SLIT3: variants seen among roughly 807,000 people sequenced by gnomAD.
The protein encoded by SLIT3 is slit guidance ligand 3, also known as slit homolog 3 protein.
SLIT3 carries 68 observed loss-of-function variants against 184.0 expected under a neutral mutation model. The observed-to-expected ratio is 0.37, with a 90% CI of 0.30 to 0.45. The LOEUF (loss-of-function observed/expected upper bound fraction) is 0.45, where lower values mean the gene tolerates loss of function less well. Ranked by LOEUF, SLIT3 falls within the 20% of genes least tolerant of loss-of-function variation. SLIT3 has a pLI of 1.00. For synonymous variants in SLIT3, 831 were observed against 828.6 expected, an observed-to-expected ratio of 1.00 and a Z score of -0.05; for missense variants, 1,707 against 2,026.0, an observed-to-expected ratio of 0.84 and a Z score of 3.02.
At position 169,126,325 on chromosome 5, in the gene SLIT3, A is replaced by G. The variant is rs73802487; in HGVS notation, c.413+67154T>C. ...GACAGAGAGAAGGAAAGCAGGAGAG[A>G]GAGAGGAAGAGGGAAAGGAGAAAGA... On this transcript the variant is annotated intron_variant, in intron 4 of 35. Coordinates refer to ENST00000519560, the MANE Select transcript of SLIT3 (RefSeq NM_003062.4). Among the ~76,000 whole-genome samples, 333 of 152,362 alleles carry G rather than the reference A, an allele frequency of 2.2e-3. 1 individual carries two copies. The highest frequency in any genetic ancestry group is 7.6e-3 in the African/African-American group (315 of 41,590).
intron 4 of SLIT3, among the ~76,000 whole-genome samples, chr5:169,046,961 G>A (rs758322019): frequency 6.6e-6 from 1 of 152,054 alleles, no homozygotes; most frequent in Non-Finnish European, 1.5e-5. Context: ...TTGCTACAGG[G>A]TGTCTACTCT....
chr5:168,989,870 C>T (rs1162434094), intron 4 of SLIT3, among the ~76,000 whole-genome samples: 1 of 152,272 alleles, frequency 6.6e-6, no homozygotes, highest in East Asian at 1.9e-4. Context: ...AGTGAAGGGG[C>T]CAGGTTGAAT....
chr5:169,126,684 A>C (rs536800270), intron 4 of SLIT3, among the ~76,000 whole-genome samples: 1 of 152,210 alleles, frequency 6.6e-6, no homozygotes, highest in Non-Finnish European at 1.5e-5. Flanking sequence ...CCAGGGTGCA[A>C]GGGGCAATGC....
At chr5:168,675,690 G>A (rs1053798274) in intron 32 of SLIT3, among the ~76,000 whole-genome samples, 2 of 152,064 alleles carry the variant, frequency 1.3e-5, no homozygotes, top group Admixed American at 6.5e-5. Context: ...AACATAGCAC[G>A]ACCCCTATTT....
In SLIT3 at chr5:168,710,910, G is replaced by A. The variant is rs777025296; in HGVS notation, c.2704C>T (p.Arg902Cys). 6 of 1,548,184 alleles carry A rather than the reference G, an allele frequency of 3.9e-6. No homozygotes were observed. The highest frequency in any genetic ancestry group is 1.2e-5 in the South Asian group (1 of 83,046). ...CGTCACCTACCTTTGCACTGGAAGC[G>A]GTGGGTTGGGGTGGTGAGCAGGAGC... ...DRLLLTTPTH[R>C]FQCKGPVDIN... Residue 902 changes from arginine to cysteine, a missense_variant, in exon 25 of 36, where the codon CGC becomes TGC. Arg to Cys is a radical substitution (Grantham distance 180). Around this residue, in one of 3 missense-constraint regions of SLIT3, gnomAD observed 1,307 missense variants for 1,511.6 expected, o/e 0.86. Transcript: ENST00000519560.
intron 3 of SLIT3, among the ~76,000 whole-genome samples, chr5:169,235,092 T>C (rs971451985): frequency 6.6e-6 from 1 of 152,222 alleles, no homozygotes; most frequent in Admixed American, 6.5e-5. Flanking sequence ...TCTTGAATAG[T>C]AATTATCAGT....
At chr5:169,082,466 C>T (rs528056727) in intron 4 of SLIT3, among the ~76,000 whole-genome samples, 1 of 152,328 alleles carries the variant, frequency 6.6e-6, no homozygotes, top group Non-Finnish European at 1.5e-5. Flanking sequence ...AAGCCACCTC[C>T]ACCAACTAAA....
At chr5:168,968,286 G>T (rs1377903154) in intron 4 of SLIT3, among the ~76,000 whole-genome samples, 1 of 152,130 alleles carries the variant, frequency 6.6e-6, no homozygotes, top group East Asian at 1.9e-4. Context: ...AACACAACGT[G>T]TAAATCTTCT....
chr5:168,799,624 C>A (rs932099121), intron 9 of SLIT3, among the ~76,000 whole-genome samples: 1 of 152,132 alleles, frequency 6.6e-6, no homozygotes, highest in African/African-American at 2.4e-5. Flanking sequence ...GGCAGGGGCA[C>A]GGCCGGCACA....
chr5:168,745,916 C>T (rs754363925), intron 20 of SLIT3, among the ~76,000 whole-genome samples: 5 of 152,258 alleles, frequency 3.3e-5, no homozygotes, highest in African/African-American at 4.8e-5. Context: ...ACAAGACCCC[C>T]GACTAGGAAA....
chr5:169,268,694 C>A (rs550177079), intron 1 of SLIT3, among the ~76,000 whole-genome samples: 78 of 152,326 alleles, frequency 5.1e-4, no homozygotes, highest in African/African-American at 1.7e-3. Flanking sequence ...GCAAACCACC[C>A]TTATCTGCAA....
chr5:168,993,141 T>C (rs1039399851), intron 4 of SLIT3: 1 of 152,182 alleles, frequency 6.6e-6, no homozygotes, highest in African/African-American at 2.4e-5. Context: ...GTCTGACATT[T>C]AGAGGTGTGT....
chr5:168,913,233 C>T (rs1280253305), intron 4 of SLIT3, among the ~76,000 whole-genome samples: 1 of 150,156 alleles, frequency 6.7e-6, no homozygotes, highest in Non-Finnish European at 1.5e-5. Context: ...GCCATTATTT[C>T]TAATGGCAAA....
chr5:169,187,895 ATG>A, intron 4 of SLIT3, among the ~76,000 whole-genome samples: 1 of 149,512 alleles, frequency 6.7e-6, no homozygotes, highest in South Asian at 2.1e-4. Flanking sequence ...TTGTGAACCC[ATG>A]TGTCCCTCAC....
At chr5:168,683,785 G>A (rs765677748) in intron 32 of SLIT3, among the ~76,000 whole-genome samples, 181 bp downstream of exon 32, 6 of 151,992 alleles carry the variant, frequency 3.9e-5, no homozygotes, top group Non-Finnish European at 5.9e-5. Flanking sequence ...CCTCTGACAC[G>A]CCTTTCTCCC....
chr5:168,720,235 T>G (rs1476383163), intron 23 of SLIT3: 1 of 152,190 alleles, frequency 6.6e-6, no homozygotes, highest in Non-Finnish European at 1.5e-5. Context: ...AATTCGTATT[T>G]CAAGAAGCAA....
chr5:168,779,349 C>T (rs781101629), intron 12 of SLIT3, among the ~76,000 whole-genome samples: 16 of 152,114 alleles, frequency 1.1e-4, no homozygotes, highest in East Asian at 1.9e-4. Flanking sequence ...ACTCCATCAA[C>T]GCAGCGGGTG....
intron 9 of SLIT3, among the ~76,000 whole-genome samples, chr5:168,804,697 C>T (rs1182685422): frequency 1.3e-5 from 2 of 152,170 alleles, no homozygotes; most frequent in African/African-American, 2.4e-5. Context: ...TCTACTATGG[C>T]TGGAAAATGG....
intron 5 of SLIT3, among the ~76,000 whole-genome samples, chr5:168,882,454 C>T (rs1038096352): frequency 1.3e-5 from 2 of 152,186 alleles, no homozygotes; most frequent in Non-Finnish European, 2.9e-5. Flanking sequence ...ACTATGGTGA[C>T]AGCTGCACAA....
Sources: allele counts gnomAD v4.1 joint callset (sites outside exome capture counted in the v4.1 genomes callset), GRCh38; gene constraint gnomAD v4.1.1; regional missense constraint gnomAD v4.1.1; transcripts MANE v1.5; gene names NCBI Gene and HGNC (gene_info 2026-07-23, HGNC 2026-07-21).